The following GTPBP1 variants were observed in gnomAD, a reference collection of about 807,000 sequenced individuals.
The protein encoded by GTPBP1 is GTP binding protein 1.
GTPBP1 carries 23 observed loss-of-function variants against 62.0 expected under a neutral mutation model. The ratio of observed to expected loss-of-function variants is 0.37; its 90% CI spans 0.27 to 0.53. The LOEUF (loss-of-function observed/expected upper bound fraction) is 0.53, where lower values mean the gene tolerates loss of function less well. Among genes scored for constraint, GTPBP1 ranks in the 20% least tolerant of loss-of-function variants. The probability of loss-of-function intolerance (pLI) is 0.89; values close to 1 mark genes in which losing one functional copy is unlikely to be tolerated. For missense variants in GTPBP1, 640 were observed against 917.3 expected, an observed-to-expected ratio of 0.70 and a Z score of 3.90; for synonymous variants, 344 against 364.4, an observed-to-expected ratio of 0.94 and a Z score of 0.64.
At chr22:38,719,777 A>G (rs944778099) in intron 4 of GTPBP1, among the ~76,000 whole-genome samples, 4 of 151,984 alleles carry the variant, frequency 2.6e-5, no homozygotes, top group African/African-American at 7.2e-5. Flanking sequence ...TGTTTTTACA[A>G]TCAAGAAAAT....
rs143547765 is a variant in GTPBP1 at position 38,713,328 on chromosome 22, G to A, written c.305-2579G>A. 2.5e-3 allele frequency among the ~76,000 whole-genome samples: 387 copies of A among 152,322 alleles called. 1 individual carries two copies. The highest frequency in any genetic ancestry group is 6.8e-3 in the Middle Eastern group (2 of 294). On this transcript the variant is annotated intron_variant, in intron 2 of 11. Transcript: ENST00000216044. ...GTTGGGCCTGGGGAGCCATTCATAA[G>A]CTTTGACTTGAAGTGACGGCGTCAG... is the stretch of plus-strand genomic sequence containing the variant.
At chr22:38,739,140 G>A, downstream of GTPBP1, 1 of 931,738 alleles carries the variant, frequency 1.1e-6, no homozygotes, top group South Asian at 1.5e-5. The surrounding 1 kb of genome is among the most constrained non-coding windows in gnomAD (Gnocchi z 6.7). Context: ...TTAAAGGTCA[G>A]CCTCTCCCTG....
At chr22:38,720,563 A>G (rs985921646) in intron 4 of GTPBP1, among the ~76,000 whole-genome samples, 4 of 152,122 alleles carry the variant, frequency 2.6e-5, no homozygotes, top group African/African-American at 9.7e-5. Context: ...AGCATTCTAT[A>G]TGCAACTTAC....
Position 38,731,428 on chromosome 22 carries a change from C to T in GTPBP1, c.*724C>T, listed in dbSNP as rs529966110. 3.9e-5 allele frequency: 6 copies of T among 152,776 alleles called. No homozygotes were observed. The highest frequency in any genetic ancestry group is 1.9e-4 in the East Asian group (1 of 5,176). The allele number at this position is 152,776 out of a possible 1,614,324, so 9.5% of individuals were successfully genotyped here. On this transcript the variant is annotated 3_prime_UTR_variant, in exon 12 of 12. Coordinates refer to ENST00000216044, the MANE Select transcript of GTPBP1 (RefSeq NM_004286.5). ...CCTGGAGACATGTGGAGGGGAATGG[C>T]GATGGGATTATAGGACTCTCCCCAT...
chr22:38,736,335 T>G, downstream of GTPBP1: 1 of 1,613,950 alleles, frequency 6.2e-7, no homozygotes, highest in Non-Finnish European at 8.5e-7. Flanking sequence ...CCCCAGTTAG[T>G]CAGGATCCGC....
intron 2 of GTPBP1, among the ~76,000 whole-genome samples, chr22:38,709,298 A>G (rs1479694206): frequency 1.3e-5 from 2 of 152,192 alleles, no homozygotes; most frequent in Non-Finnish European, 2.9e-5. Flanking sequence ...GTCTCAAAAA[A>G]AAAAAGAAAT....
chr22:38,725,946 C>T (rs1220661351), intron 6 of GTPBP1, 60 bp from the exon 7 acceptor site: 2 of 1,542,534 alleles, frequency 1.3e-6, no homozygotes, highest in East Asian at 2.3e-5. Context: ...TGTGTCAGGG[C>T]AGGACCTGGT....
At chr22:38,725,951 C>A in intron 6 of GTPBP1, 55 bp from the exon 7 acceptor site, 3 of 1,564,886 alleles carry the variant, frequency 1.9e-6, no homozygotes, top group Non-Finnish European at 2.6e-6. Flanking sequence ...CAGGGCAGGA[C>A]CTGGTCTCCT....
chr22:38,706,493 C>T (rs1046400489), intron 1 of GTPBP1: 1 of 191,390 alleles, frequency 5.2e-6, no homozygotes. Flanking sequence ...AGTGCCCCTC[C>T]CCGTTCTTCG....
chr22:38,726,702 T>C lies in GTPBP1; in HGVS notation c.1401+262T>C, dbSNP rs1255865628. 6.6e-6 allele frequency among the ~76,000 whole-genome samples: 1 copy of C among 152,084 alleles called. No individual in the cohort carries two copies. Among genetic ancestry groups the C allele is most frequent in the East Asian group, 1.9e-4 (1 of 5,184 alleles). ...CCTGAGCAGGGTGGCCTGAGCTCAG[T>C]GGTGAGGTCAAATAGGAGTATCCCT... On this transcript the variant is annotated intron_variant, in intron 8 of 11. Coordinates refer to ENST00000216044, the MANE Select transcript of GTPBP1 (RefSeq NM_004286.5). The surrounding 1 kb of genome is among the most constrained non-coding windows in gnomAD (Gnocchi z 4.1).
chr22:38,740,616 C>G, downstream of GTPBP1: 2 of 615,254 alleles, frequency 3.3e-6, no homozygotes, highest in Non-Finnish European at 5.4e-6. This position sits in a 1 kb window ranked among gnomAD's most constrained non-coding sequence, Gnocchi z 4.8. Context: ...CTGCCTGTCC[C>G]AAGGAGCTAA....
At chr22:38,739,694 T>C (rs77470650), downstream of GTPBP1, 5,992 of 1,605,898 alleles carry the variant, frequency 3.7e-3, 218 homozygotes, top group African/African-American at 0.072. This position sits in a 1 kb window ranked among gnomAD's most constrained non-coding sequence, Gnocchi z 6.7. Flanking sequence ...TGTGGGTGGG[T>C]GTGTGGAGAG....
At chr22:38,741,365 A>C, downstream of GTPBP1, 1 of 948,914 alleles carries the variant, frequency 1.1e-6, no homozygotes, top group Non-Finnish European at 1.6e-6. Flanking sequence ...CAGAGAAGTC[A>C]GAGGAGGGCA....
intron 2 of GTPBP1, among the ~76,000 whole-genome samples, chr22:38,709,320 CA>C (rs1202055535): frequency 6.6e-6 from 1 of 152,010 alleles, no homozygotes; most frequent in African/African-American, 2.4e-5. Context: ...ATTTAGAGCA[CA>C]TTTTCCCCGC....
chr22:38,731,009 A>ATT lies in GTPBP1; in HGVS notation c.*306_*307dup, dbSNP rs1231080614. 3 of 216,254 alleles carry ATT rather than the reference A, an allele frequency of 1.4e-5. No homozygotes were observed. The highest frequency in any genetic ancestry group is 2.3e-5 in the Non-Finnish European group (3 of 129,206). The allele number at this position is 216,254 out of a possible 1,614,324, so 13.4% of individuals were successfully genotyped here. ...TTATTATATGTCTCTGTCTCTCTCT[A>ATT]TTGTGTGTGTGTGTGTGTGTGTGTG... On this transcript the variant is annotated 3_prime_UTR_variant, in exon 12 of 12. Transcript: ENST00000216044.
At chr22:38,738,163 C>T, downstream of GTPBP1, 2 of 1,613,454 alleles carry the variant, frequency 1.2e-6, no homozygotes, top group Non-Finnish European at 1.7e-6. The surrounding 1 kb of genome is among the most constrained non-coding windows in gnomAD (Gnocchi z 6.6). Context: ...AGCACAGCAG[C>T]ATCCCGTACC....
At chr22:38,725,800 A>G (rs2092723573) in intron 6 of GTPBP1, 2 of 580,992 alleles carry the variant, frequency 3.4e-6, no homozygotes, top group South Asian at 2.1e-5. Context: ...GAGTGAGAGA[A>G]GAAGGCCTCA....
Position 38,729,658 on chromosome 22 carries a change from C to T in GTPBP1, c.1913C>T (p.Pro638Leu). ...CCAGCTGCGTCCAGCAATCTCCAGC[C>T]TCAGGTGAGCACGGGCCCCTCGCAG... ...GQPAASSNLQ[P>L]QPKPSSGGRR... The change falls in exon 11 of 12, where the codon CCT (proline) becomes CTT (leucine). Residue 638 changes from proline (P) to leucine (L), a missense_variant. Physicochemically the swap from Pro to Leu is moderately conservative, Grantham distance 98. Transcript: ENST00000216044. 6.7e-7 allele frequency: 1 copy of T among 1,495,900 alleles called. No homozygotes were observed. The allele number at this position is 1,495,900 out of a possible 1,614,324, so 92.7% of individuals were successfully genotyped here.
At chr22:38,724,687 C>T (rs2092718001) in intron 6 of GTPBP1, among the ~76,000 whole-genome samples, 1 of 152,146 alleles carries the variant, frequency 6.6e-6, no homozygotes, top group Non-Finnish European at 1.5e-5. Context: ...CTTCAGTGTC[C>T]TTATCTGTGA....
Sources: allele counts gnomAD v4.1 joint callset (sites outside exome capture counted in the v4.1 genomes callset), GRCh38; gene constraint gnomAD v4.1.1; non-coding constraint Gnocchi (gnomAD v3.1); transcripts MANE v1.5; gene names NCBI Gene and HGNC (gene_info 2026-07-23, HGNC 2026-07-21).